FAM168A: variants seen among roughly 807,000 people sequenced by gnomAD.
The protein encoded by FAM168A is protein FAM168A.
FAM168A carries 3 observed loss-of-function variants against 28.5 expected under a neutral mutation model. The ratio of observed to expected loss-of-function variants is 0.11; its 90% confidence interval spans 0.05 to 0.27. The LOEUF is 0.27. Among genes scored for constraint, FAM168A ranks in the 10% least tolerant of loss-of-function variants. FAM168A has a pLI of 1.00. For missense variants in FAM168A, 222 were observed against 311.5 expected (o/e 0.71, Z 2.16); for synonymous variants, 122 against 124.2 (o/e 0.98, Z 0.12).
intron 1 of FAM168A, among the ~76,000 whole-genome samples, chr11:73,552,376 C>G (rs1208216490): frequency 1.3e-5 from 2 of 152,164 alleles, no homozygotes; most frequent in Admixed American, 6.5e-5. Flanking sequence ...TAACACTCTC[C>G]TTTGTATTCC....
At chr11:73,481,336 G>C (rs559223009) in intron 1 of FAM168A, among the ~76,000 whole-genome samples, 1 of 152,316 alleles carries the variant, frequency 6.6e-6, no homozygotes, top group African/African-American at 2.4e-5. Flanking sequence ...AACCCCATGA[G>C]AGCAGTTTTG....
chr11:73,407,583 G>A lies in FAM168A; in HGVS notation c.656C>T (p.Thr219Ile). 6.2e-7 allele frequency: 1 copy of A among 1,609,168 alleles called. No individual in the cohort carries two copies. The highest frequency in any genetic ancestry group is 1.1e-5 in the South Asian group (1 of 90,348). ...AIGAHPVSMP[T>I]YRAQGTPAYS... is the part of the protein sequence containing the mutation. ...CGCAGGGGTTCCTTGGGCCCTATAT[G>A]TTGGCATGGAGACAGGGTGTGCCCC... Residue 219 changes from threonine (T) to isoleucine (I), a missense_variant, in exon 7 of 8, where the codon ACA becomes ATA. Transcript: ENST00000356467.
chr11:73,497,381 C>T (rs1854911676), intron 1 of FAM168A, among the ~76,000 whole-genome samples: 1 of 151,990 alleles, frequency 6.6e-6, no homozygotes, highest in Non-Finnish European at 1.5e-5. Context: ...AGGAGAATCA[C>T]TTGAACCTGG....
At chr11:73,544,498 T>C (rs983608635) in intron 1 of FAM168A, among the ~76,000 whole-genome samples, 1 of 151,580 alleles carries the variant, frequency 6.6e-6, no homozygotes, top group African/African-American at 2.4e-5. Context: ...ACAGCTACAT[T>C]ACAAATAATA....
intron 1 of FAM168A, among the ~76,000 whole-genome samples, chr11:73,487,782 T>C (rs567021654): frequency 8.5e-5 from 13 of 152,300 alleles, no homozygotes; most frequent in African/African-American, 2.2e-4. Context: ...CTTAACTTTC[T>C]AGTTTGCTCT....
At chr11:73,475,191 G>A (rs1336525520) in intron 1 of FAM168A, among the ~76,000 whole-genome samples, 10 of 152,120 alleles carry the variant, frequency 6.6e-5, no homozygotes, top group Admixed American at 6.5e-4. Flanking sequence ...ACAACAGGTT[G>A]CAGTGTTTAA....
intron 1 of FAM168A, among the ~76,000 whole-genome samples, chr11:73,489,960 TA>T (rs1435434707): frequency 2.0e-5 from 3 of 152,186 alleles, no homozygotes; most frequent in Admixed American, 1.3e-4. Flanking sequence ...TTCTCTTTTC[TA>T]AAGTCTCCAT....
chr11:73,470,863 T>G (rs1867804657), intron 1 of FAM168A, among the ~76,000 whole-genome samples: 4 of 152,340 alleles, frequency 2.6e-5, no homozygotes, highest in Middle Eastern at 6.8e-3. Context: ...CACTCTGTGT[T>G]GCTGATTGGA....
chr11:73,415,014 C>T (rs1015772344), intron 4 of FAM168A, among the ~76,000 whole-genome samples: 17 of 152,216 alleles, frequency 1.1e-4, no homozygotes, highest in African/African-American at 3.6e-4. Flanking sequence ...ACAAGGACAG[C>T]CATATTACAA....
intron 1 of FAM168A, among the ~76,000 whole-genome samples, chr11:73,477,676 C>T (rs1452894569): frequency 6.6e-6 from 1 of 151,270 alleles, no homozygotes; most frequent in African/African-American, 2.4e-5. Flanking sequence ...TTGGTATATT[C>T]AATGTGCTGA....
At chr11:73,487,883 G>C (rs1374902410) in intron 1 of FAM168A, among the ~76,000 whole-genome samples, 2 of 151,672 alleles carry the variant, frequency 1.3e-5, no homozygotes, top group Non-Finnish European at 2.9e-5. Context: ...CACCCTCCTC[G>C]TACCCTCACC....
chr11:73,484,640 ATATC>A (rs375730509), intron 1 of FAM168A, among the ~76,000 whole-genome samples: 10,751 of 145,520 alleles, frequency 0.074, 1,223 homozygotes, highest in African/African-American at 0.24. Context: ...ATCTATATCG[ATATC>A]TATCTATCTA....
rs1007694524 is a variant in FAM168A, at chr11:73,404,553, A to G, written c.*2210T>C. 3.9e-5 allele frequency: 6 copies of G among 152,376 alleles called. No individual in the cohort carries two copies. Among genetic ancestry groups the G allele is most frequent in the Admixed American group, 3.3e-4 (5 of 15,308 alleles). The allele number at this position is 152,376 out of a possible 1,614,324, so 9.4% of individuals were successfully genotyped here. A position where few individuals can be genotyped will look rare whatever the true frequency, so the allele number is the denominator to read the frequency against. ...AGGGTGGAAGGAGGTATTTGCAAAAAGTGAATTAACACTGGAAAACTTTCT... is the reference window on the plus strand; with the variant it reads ...AGGGTGGAAGGAGGTATTTGCAAAAGGTGAATTAACACTGGAAAACTTTCT... On this transcript the variant is annotated 3_prime_UTR_variant, in exon 8 of 8. Transcript: ENST00000356467.
intron 1 of FAM168A, among the ~76,000 whole-genome samples, chr11:73,588,459 G>C (rs992440913): frequency 6.6e-6 from 1 of 152,138 alleles, no homozygotes; most frequent in Non-Finnish European, 1.5e-5. Flanking sequence ...GGGAGGCTGG[G>C]TCAGGGGTAT....
intron 2 of FAM168A, among the ~76,000 whole-genome samples, chr11:73,434,356 A>C (rs1323524128): frequency 6.6e-6 from 1 of 152,200 alleles, no homozygotes; most frequent in Non-Finnish European, 1.5e-5. Context: ...GGGCAAAGTA[A>C]AGGGAACCAG....
intron 1 of FAM168A, among the ~76,000 whole-genome samples, chr11:73,530,446 G>C (rs1279833069): frequency 6.6e-6 from 1 of 152,116 alleles, no homozygotes; most frequent in East Asian, 1.9e-4. Context: ...GGGGAATCTT[G>C]GTACATTTCA....
In FAM168A at chr11:73,448,145, CCAACCAATT is replaced by C. The variant is rs201488511; in HGVS notation, c.71-17384_71-17376del. Among the ~76,000 whole-genome samples, 436 of 152,146 alleles carry C rather than the reference CCAACCAATT, an allele frequency of 2.9e-3. 9 individuals are homozygous for C. The East Asian group carries it at 0.046, about 16-fold the overall frequency. On this transcript the variant is annotated intron_variant, in intron 2 of 7. Transcript: ENST00000356467. ...TCACTGCAACCTCTGCCTCCTGGGT[CCAACCAATT>C]CTCCTGCGTTAGCCTCCCAAGTAGC...
intron 1 of FAM168A, among the ~76,000 whole-genome samples, chr11:73,541,421 G>T (rs1943655707): frequency 6.7e-6 from 1 of 149,700 alleles, no homozygotes; most frequent in African/African-American, 2.5e-5. Flanking sequence ...CATCCAGGCT[G>T]GAGTGCAGTG....
At chr11:73,509,703 G>T (rs1427173259) in intron 1 of FAM168A, among the ~76,000 whole-genome samples, 1 of 152,166 alleles carries the variant, frequency 6.6e-6, no homozygotes, top group Non-Finnish European at 1.5e-5. Context: ...AGGCTTTTAA[G>T]ACCTATCAGC....
Sources: allele counts gnomAD v4.1 joint callset (sites outside exome capture counted in the v4.1 genomes callset), GRCh38; gene constraint gnomAD v4.1.1; transcripts MANE v1.5; gene names NCBI Gene and HGNC (gene_info 2026-07-23, HGNC 2026-07-21).